Variants in NCAM2 observed in about 807,000 individuals in gnomAD.
NCAM2 encodes N-CAM-2.
In NCAM2, 30 loss-of-function variants were observed where a neutral mutation model predicts 98.1. The observed-to-expected ratio is 0.31, with a 90% CI of 0.23 to 0.41. NCAM2 has a LOEUF of 0.41. Among genes scored for constraint, NCAM2 ranks in the 10% least tolerant of loss-of-function variants. The pLI, the probability that NCAM2 is intolerant of heterozygous loss-of-function variation, is 1.00. For synonymous variants in NCAM2, 368 were observed against 342.4 expected, an observed-to-expected ratio of 1.07 and a Z score of -0.83; for missense variants, 867 against 1,005.8, an observed-to-expected ratio of 0.86 and a Z score of 1.87.
At chr21:21,367,556 G>T (rs1386964678) in intron 8 of NCAM2, among the ~76,000 whole-genome samples, 3 of 151,948 alleles carry the variant, frequency 2.0e-5, no homozygotes, top group East Asian at 3.9e-4. Flanking sequence ...GTATGGGAAA[G>T]TTATTATTTT....
intron 1 of NCAM2, among the ~76,000 whole-genome samples, chr21:21,098,003 A>G (rs986911856): frequency 2.0e-5 from 3 of 150,260 alleles, no homozygotes; most frequent in Non-Finnish European, 4.5e-5. Flanking sequence ...TCTTATTATT[A>G]TGGCGAAATA....
intron 1 of NCAM2, among the ~76,000 whole-genome samples, chr21:21,227,225 A>G (rs928233834): frequency 3.3e-5 from 5 of 151,886 alleles, no homozygotes; most frequent in Admixed American, 1.3e-4. Flanking sequence ...TGCAGATTAT[A>G]TAATTGATGA....
chr21:21,129,217 T>A (rs957648103), intron 1 of NCAM2, among the ~76,000 whole-genome samples: 6 of 152,142 alleles, frequency 3.9e-5, no homozygotes, highest in African/African-American at 1.4e-4. Context: ...TGTACAGACT[T>A]ACCTTTATCA....
intron 1 of NCAM2, among the ~76,000 whole-genome samples, chr21:21,059,462 A>G (rs191007457): frequency 6.6e-6 from 1 of 152,130 alleles, no homozygotes; most frequent in Non-Finnish European, 1.5e-5. Context: ...GCTGAGTTGT[A>G]TATGCCAAGA....
chr21:21,488,201 TAAC>T (rs1477433087), intron 15 of NCAM2, among the ~76,000 whole-genome samples: 2 of 151,890 alleles, frequency 1.3e-5, no homozygotes, highest in African/African-American at 2.4e-5. Context: ...CTTTTTAAAT[TAAC>T]AAAGTTACAA....
At chr21:21,258,491 G>C (rs2071761569) in intron 1 of NCAM2, among the ~76,000 whole-genome samples, 1 of 152,118 alleles carries the variant, frequency 6.6e-6, no homozygotes, top group African/African-American at 2.4e-5. Flanking sequence ...CCACAGAAAG[G>C]GTAAGTGGGA....
At chr21:21,452,768 TTAAAATATAGTATTACTTTATATA>T (rs1168254454) in intron 12 of NCAM2, among the ~76,000 whole-genome samples, 2 of 80,870 alleles carry the variant, frequency 2.5e-5, no homozygotes, top group Non-Finnish European at 4.5e-5. Flanking sequence ...ACTTTATGTA[TTAAAATATAGTATTACTTTATATA>T]TAAAATATAG....
chr21:21,338,559 G>T, intron 8 of NCAM2, 25 bp downstream of exon 8: 2 of 1,556,068 alleles, frequency 1.3e-6, no homozygotes, highest in African/African-American at 2.8e-5. Context: ...ATATGTAATG[G>T]TTTCCATTAC....
intron 1 of NCAM2, among the ~76,000 whole-genome samples, chr21:20,999,041 A>G (rs1160934938): frequency 1.3e-5 from 2 of 152,180 alleles, no homozygotes; most frequent in African/African-American, 4.8e-5. Context: ...CTCATTTGCA[A>G]AATATCTGCT....
intron 5 of NCAM2, among the ~76,000 whole-genome samples, chr21:21,306,216 T>A (rs966076959): frequency 6.6e-6 from 1 of 152,180 alleles, no homozygotes; most frequent in Non-Finnish European, 1.5e-5. Context: ...CAATTGGTAA[T>A]GTTAATCAAG....
At chr21:21,189,857 C>G (rs571765339) in intron 1 of NCAM2, among the ~76,000 whole-genome samples, 1 of 152,138 alleles carries the variant, frequency 6.6e-6, no homozygotes, top group Non-Finnish European at 1.5e-5. Context: ...TCTGGTCAGC[C>G]TTTAACTAGT....
intron 1 of NCAM2, among the ~76,000 whole-genome samples, chr21:21,218,734 C>T (rs1241838540): frequency 6.6e-6 from 1 of 152,144 alleles, no homozygotes; most frequent in Non-Finnish European, 1.5e-5. Flanking sequence ...GAACACAGCC[C>T]TGCTGGCACT....
chr21:21,497,885 TTTTATTTA>T (rs1208620426), intron 15 of NCAM2, among the ~76,000 whole-genome samples: 5 of 152,252 alleles, frequency 3.3e-5, no homozygotes, highest in African/African-American at 1.2e-4. Flanking sequence ...ATTAGCCTTT[TTTTATTTA>T]TTTAAGTAAT....
At chr21:21,196,196 C>T (rs1483766300) in intron 1 of NCAM2, among the ~76,000 whole-genome samples, 1 of 152,180 alleles carries the variant, frequency 6.6e-6, no homozygotes, top group Non-Finnish European at 1.5e-5. Flanking sequence ...GGAGTTTTGT[C>T]AGACTTAGCT....
intron 12 of NCAM2, among the ~76,000 whole-genome samples, chr21:21,445,845 G>A (rs896022892): frequency 3.3e-5 from 5 of 152,106 alleles, no homozygotes; most frequent in African/African-American, 1.2e-4. Flanking sequence ...GTATTGTTAT[G>A]TGTGAGTTTG....
In NCAM2 at chr21:21,331,511, C is replaced by CTATATA. The variant is rs1400422948; in HGVS notation, c.738-3993_738-3992insATATAT. ...GGTTAGTATATATACTCTATACTCT[C>CTATATA]TCTCTCTATATATATATATATATAC... On this transcript the variant is annotated intron_variant, in intron 6 of 17. Coordinates refer to ENST00000400546, the MANE Select transcript of NCAM2 (RefSeq NM_004540.5). 7.6e-4 allele frequency among the ~76,000 whole-genome samples: 5 copies of CTATATA among 6,564 alleles called. 1 individual carries two copies. The highest frequency in any genetic ancestry group is 1.6e-3 in the Non-Finnish European group (5 of 3,090). The allele number at this position is 6,564 out of a possible 152,430, so 4.3% of individuals were successfully genotyped here.
chr21:21,136,036 G>A (rs1348499228), intron 1 of NCAM2, among the ~76,000 whole-genome samples: 3 of 122,288 alleles, frequency 2.5e-5, no homozygotes, highest in East Asian at 4.8e-4. Context: ...TGAAGGCTTA[G>A]TGACTTACAA....
At chr21:21,432,034 A>G in intron 11 of NCAM2, 74 bp from the exon 12 acceptor site, 5 of 1,403,032 alleles carry the variant, frequency 3.6e-6, no homozygotes, top group Non-Finnish European at 3.9e-6. Context: ...CCTAGTTCTC[A>G]TAACACCATA....
intron 1 of NCAM2, among the ~76,000 whole-genome samples, chr21:21,064,042 A>G (rs765146777): frequency 1.3e-5 from 2 of 152,172 alleles, no homozygotes; most frequent in Non-Finnish European, 2.9e-5. Context: ...TTCTTGCCAA[A>G]GAATTAGGGG....
Sources: gnomAD v4.1 joint callset for allele counts (sites outside exome capture counted in the v4.1 genomes callset) on GRCh38, gnomAD v4.1.1 for gene constraint, MANE v1.5 for transcripts, NCBI Gene and HGNC (gene_info 2026-07-23, HGNC 2026-07-21) for gene names.